Variants in PTK2 observed in about 807,000 individuals in gnomAD.
The protein encoded by PTK2 is protein tyrosine kinase 2.
A neutral mutation model predicts 150.1 loss-of-function variants in PTK2; 45 were observed. The ratio of observed to expected loss-of-function variants is 0.30; its 90% confidence interval spans 0.24 to 0.38. The LOEUF (loss-of-function observed/expected upper bound fraction) is 0.38, where lower values mean the gene tolerates loss of function less well. PTK2 is among the 10% of genes least tolerant of loss of function. The pLI, the probability that PTK2 is intolerant of heterozygous loss-of-function variation, is 1.00. For missense variants in PTK2, 919 were observed against 1,307.3 expected (o/e 0.70, Z 4.58); for synonymous variants, 432 against 449.2 (o/e 0.96, Z 0.48).
chr8:140,878,844 TAAA>T (rs34124997), intron 4 of PTK2, among the ~76,000 whole-genome samples: 8 of 128,624 alleles, frequency 6.2e-5, no homozygotes, highest in Admixed American at 2.3e-4. Flanking sequence ...TGCTTAGTAG[TAAA>T]AAAAAAAAAA....
rs562794422 is a variant in PTK2, at chr8:140,689,901, G to A, written c.2500-3207C>T. Among the ~76,000 whole-genome samples the A allele has an allele frequency of 2.6e-5, 4 of 152,316 alleles. No individual in the cohort carries two copies. The South Asian group carries it at 8.3e-4, about 32-fold the overall frequency. ...AGGGCTCTAAACAGAGAGTGGAGGT[G>A]ATTAGGTTTGACTCTACTGTAGCAG... On this transcript the variant is annotated intron_variant, in intron 26 of 31. Coordinates refer to ENST00000522684, the Ensembl canonical transcript of PTK2.
intron 10 of PTK2, among the ~76,000 whole-genome samples, chr8:140,804,263 C>A: frequency 6.7e-6 from 1 of 149,562 alleles, no homozygotes; most frequent in African/African-American, 2.5e-5. Context: ...TACTGCTGCA[C>A]AAATTAATAA....
chr8:140,991,837 C>T (rs1415570273), intron 1 of PTK2, among the ~76,000 whole-genome samples: 3 of 151,572 alleles, frequency 2.0e-5, no homozygotes, highest in Admixed American at 6.6e-5. Flanking sequence ...GGTAAATACC[C>T]GTCTCTACAA....
intron 4 of PTK2, among the ~76,000 whole-genome samples, chr8:140,868,138 C>T (rs1248085513): frequency 4.6e-5 from 7 of 151,982 alleles, no homozygotes; most frequent in African/African-American, 1.7e-4. Flanking sequence ...ACTAAGACAC[C>T]CAAAAGTAAC....
At chr8:140,879,922 T>C (rs1400749205) in intron 3 of PTK2, among the ~76,000 whole-genome samples, 1 of 152,084 alleles carries the variant, frequency 6.6e-6, no homozygotes, top group African/African-American at 2.4e-5. Flanking sequence ...TAACAAGGCA[T>C]GTAAACTTAA....
intron 2 of PTK2, among the ~76,000 whole-genome samples, chr8:140,916,567 T>C (rs2154608136): frequency 6.6e-6 from 1 of 152,354 alleles, no homozygotes; most frequent in South Asian, 2.1e-4. Flanking sequence ...TGACCTCACC[T>C]TCACTGTAAC....
At chr8:140,690,786 A>C (rs2100022719) in intron 26 of PTK2, among the ~76,000 whole-genome samples, 1 of 152,230 alleles carries the variant, frequency 6.6e-6, no homozygotes, top group African/African-American at 2.4e-5. Flanking sequence ...AACTGACAAA[A>C]CAATGTTTAA....
chr8:140,735,385 G>A (rs764973361), exon 22 of PTK2: 6 of 1,614,018 alleles, frequency 3.7e-6, no homozygotes, highest in East Asian at 2.2e-5. Context: ...CAATTCGACC[G>A]ATTACATCAT....
chr8:140,945,509 C>T (rs982749073), intron 1 of PTK2, among the ~76,000 whole-genome samples: 2 of 152,048 alleles, frequency 1.3e-5, no homozygotes, highest in Non-Finnish European at 2.9e-5. Context: ...TCATTTGAAC[C>T]CAGGAGTTTA....
At chr8:140,844,153 G>A (rs376962046) in intron 7 of PTK2, among the ~76,000 whole-genome samples, 3 of 152,158 alleles carry the variant, frequency 2.0e-5, no homozygotes, top group East Asian at 3.8e-4. Context: ...GAGGTAAAGT[G>A]CCTTTCTCAA....
intron 15 of PTK2, among the ~76,000 whole-genome samples, chr8:140,763,409 A>G (rs1361982122): frequency 6.6e-6 from 1 of 152,180 alleles, no homozygotes; most frequent in Non-Finnish European, 1.5e-5. Context: ...GTTAATTTCT[A>G]AGACTTCTGA....
intron 1 of PTK2, among the ~76,000 whole-genome samples, chr8:140,992,293 GAA>G (rs397949814): frequency 9.1e-5 from 11 of 120,606 alleles, no homozygotes; most frequent in Middle Eastern, 5.0e-3. Context: ...CTTCATCTCG[GAA>G]AAAAAAAAAA....
At chr8:140,982,326 C>T (rs1339146665) in intron 1 of PTK2, among the ~76,000 whole-genome samples, 1 of 152,188 alleles carries the variant, frequency 6.6e-6, no homozygotes, top group African/African-American at 2.4e-5. Context: ...GGGCTGGGTG[C>T]GGAGGCTCCC....
intron 27 of PTK2, among the ~76,000 whole-genome samples, chr8:140,685,344 C>T (rs2100019225): frequency 6.6e-6 from 1 of 152,180 alleles, no homozygotes; most frequent in Non-Finnish European, 1.5e-5. Flanking sequence ...GCAAAGATTT[C>T]ATGACGAGGA....
rs370537018 is a variant in PTK2 at position 140,820,076 on chromosome 8, GTTTTTTTTTTTTTTTTTTT to G, written c.649-1075_649-1057del. On this transcript the variant is annotated intron_variant, in intron 8 of 31. Coordinates refer to ENST00000522684, the Ensembl canonical transcript of PTK2. ...AGAGGAGTGACTTTATCTGACTTTG[GTTTTTTTTTTTTTTTTTTT>G]TTTTTTTTTTTTTTTTTTTTTTTAA... is the stretch of plus-strand genomic sequence containing the variant. Among the ~76,000 whole-genome samples the G allele has an allele frequency of 1.0e-3, 51 of 50,250 alleles. 2 individuals are homozygous for G. Among genetic ancestry groups the G allele is most frequent in the East Asian group, 5.1e-3 (8 of 1,574 alleles). 33.0% of individuals were successfully genotyped at this position (50,250 alleles called of 152,430 possible). A position where few individuals can be genotyped will look rare whatever the true frequency, so the allele number is the denominator to read the frequency against.
intron 2 of PTK2, among the ~76,000 whole-genome samples, chr8:140,902,829 C>A (rs1057289259): frequency 2.7e-5 from 4 of 145,552 alleles, no homozygotes; most frequent in Non-Finnish European, 6.0e-5. Flanking sequence ...AATTTAAGTT[C>A]TTTGAAGATT....
chr8:140,662,443 G>A (rs895805608), intron 31 of PTK2, among the ~76,000 whole-genome samples: 4 of 152,162 alleles, frequency 2.6e-5, no homozygotes, highest in Admixed American at 6.5e-5. Flanking sequence ...CCACTTGGTA[G>A]GACACCATTT....
chr8:140,905,730 C>G (rs1394448115), intron 2 of PTK2, among the ~76,000 whole-genome samples: 1 of 152,178 alleles, frequency 6.6e-6, no homozygotes, highest in Non-Finnish European at 1.5e-5. Context: ...ACATTCTTCT[C>G]AGCACATCAC....
intron 14 of PTK2, among the ~76,000 whole-genome samples, chr8:140,772,095 A>T (rs1279906296): frequency 6.6e-6 from 1 of 152,038 alleles, no homozygotes; most frequent in African/African-American, 2.4e-5. Flanking sequence ...GGCCGATCCC[A>T]GTAACATTTA....
Sources: gnomAD v4.1 joint callset for allele counts (sites outside exome capture counted in the v4.1 genomes callset) on GRCh38, gnomAD v4.1.1 for gene constraint, MANE v1.5 for transcripts, NCBI Gene and HGNC (gene_info 2026-07-23, HGNC 2026-07-21) for gene names.